ANK3: variants seen among roughly 807,000 people sequenced by gnomAD.
ANK3 encodes ankyrin-3.
Under a neutral mutation model 370.9 loss-of-function variants are expected in ANK3, and 57 were observed. The observed-to-expected ratio is 0.15, with a 90% CI of 0.12 to 0.19. The LOEUF (loss-of-function observed/expected upper bound fraction) is 0.19. Among genes scored for constraint, ANK3 ranks in the 10% least tolerant of loss-of-function variants. The pLI is 1.00. For missense variants in ANK3, 4,439 were observed against 5,302.1 expected, an observed-to-expected ratio of 0.84 and a Z score of 5.06; for synonymous variants, 1,929 against 1,946.3, an observed-to-expected ratio of 0.99 and a Z score of 0.23.
intron 2 of ANK3, among the ~76,000 whole-genome samples, chr10:60,508,992 A>C (rs1431943176): frequency 6.6e-6 from 1 of 152,262 alleles, no homozygotes; most frequent in East Asian, 1.9e-4. Flanking sequence ...TTGCTGGATC[A>C]GTTGCAACTC....
intron 12 of ANK3, 30 bp from the exon 13 acceptor site, chr10:60,200,257 T>G (rs768042461): frequency 6.4e-7 from 1 of 1,551,060 alleles, no homozygotes; most frequent in Admixed American, 1.7e-5. Context: ...GTAAATTAGC[T>G]GCAGCTCTGA....
chr10:60,384,188 G>T (rs1450478379), intron 1 of ANK3, among the ~76,000 whole-genome samples: 1 of 152,172 alleles, frequency 6.6e-6, no homozygotes, highest in Non-Finnish European at 1.5e-5. Context: ...TCTGCACATT[G>T]CTGACATACA....
intron 2 of ANK3, among the ~76,000 whole-genome samples, chr10:60,563,754 C>A (rs537826301): frequency 5.3e-5 from 8 of 152,218 alleles, no homozygotes; most frequent in Admixed American, 4.6e-4. Flanking sequence ...AAGCCATGCT[C>A]AGAGTCTATG....
In ANK3 at chr10:60,264,981, AATT is replaced by A. The variant is rs563488960; in HGVS notation, c.514-964_514-962del. Among the ~76,000 whole-genome samples the A allele has an allele frequency of 7.4e-4, 112 of 151,872 alleles. No homozygotes were observed. In the Middle Eastern group the frequency reaches 0.017, roughly 23 times the overall value. On this transcript the variant is annotated intron_variant, in intron 5 of 43. Transcript: ENST00000280772. Reference sequence around the variant, plus strand: ...CTGGTTATTGTCTTTTTTCTTTTTAAATTTTATTTTAAATTAAAAATTATAAAT... The same window carrying A: ...CTGGTTATTGTCTTTTTTCTTTTTAATTATTTTAAATTAAAAATTATAAAT...
At position 60,070,877 on chromosome 10, in the gene ANK3, T is replaced by C. The variant is rs757974301; in HGVS notation, c.10004A>G (p.Lys3335Arg). ...TTGTTCATCGTCCACTTCCTTTAAT[T>C]TGAAGGTATATTTTTTAACTGGGAC... ...QPVPVKKYTF[K>R]LKEVDDEQKE... Residue 3335 changes from lysine to arginine, a missense_variant, in exon 37 of 44, where the codon AAA becomes AGA. Lys to Arg is a conservative substitution (Grantham distance 26). This residue lies in a region of ANK3 where 1,601 missense variants were observed against 1,731.7 expected (regional missense o/e 0.92). Transcript: ENST00000280772. The surrounding 1 kb of genome is among the most constrained non-coding windows in gnomAD (Gnocchi z 5.7). 3 of 1,613,912 alleles carry C rather than the reference T, an allele frequency of 1.9e-6. No individual in the cohort carries two copies. The highest frequency in any genetic ancestry group is 2.2e-5 in the South Asian group (2 of 91,084).
chr10:60,583,504 G>GTTTT (rs1567163686), intron 2 of ANK3, among the ~76,000 whole-genome samples: 6 of 132,000 alleles, frequency 4.5e-5, no homozygotes, highest in East Asian at 2.6e-4. Context: ...TTACAGAGAG[G>GTTTT]TTTTTTGTTT....
intron 1 of ANK3, among the ~76,000 whole-genome samples, chr10:60,730,725 G>A (rs1439688029): frequency 6.6e-6 from 1 of 152,210 alleles, no homozygotes; most frequent in African/African-American, 2.4e-5. Flanking sequence ...ATAGTTATGT[G>A]AACAACAGCC....
intron 28 of ANK3, among the ~76,000 whole-genome samples, chr10:60,099,039 T>A (rs1317221927): frequency 6.6e-6 from 1 of 152,194 alleles, no homozygotes; most frequent in Non-Finnish European, 1.5e-5. Flanking sequence ...ACTTTAAAAA[T>A]CAGGGACAAA....
At chr10:60,505,244 A>T (rs2075905841) in intron 2 of ANK3, among the ~76,000 whole-genome samples, 1 of 152,168 alleles carries the variant, frequency 6.6e-6, no homozygotes, top group South Asian at 2.1e-4. Flanking sequence ...AAATATATAA[A>T]ACTATTATAC....
intron 1 of ANK3, among the ~76,000 whole-genome samples, chr10:60,706,517 G>A (rs1440062548): frequency 2.0e-5 from 3 of 151,488 alleles, no homozygotes; most frequent in Non-Finnish European, 2.9e-5. Flanking sequence ...GTCTGTAAGA[G>A]AGAATGCTCC....
chr10:60,282,070 C>T lies in ANK3; in HGVS notation c.115-2431G>A, dbSNP rs774818170. 3.9e-5 allele frequency among the ~76,000 whole-genome samples: 6 copies of T among 152,210 alleles called. No individual in the cohort carries two copies. In the East Asian group the frequency reaches 5.8e-4, roughly 15 times the overall value. ...GCCACGCAAGGATGGCTCATTGCAC[C>T]GTAAAATATCATCTTCTTTGTGCCT... On this transcript the variant is annotated intron_variant, in intron 1 of 43. Coordinates refer to ENST00000280772, the MANE Select transcript of ANK3 (RefSeq NM_020987.5).
chr10:60,534,803 T>G (rs1306447729), intron 2 of ANK3, among the ~76,000 whole-genome samples: 1 of 152,112 alleles, frequency 6.6e-6, no homozygotes, highest in African/African-American at 2.4e-5. Flanking sequence ...ATGCGGAAAA[T>G]GCATGTTTCT....
rs1192136961 is a variant in ANK3, at chr10:60,055,654, G to C, written c.13065+4C>G. ...GACTGCTACCGGATGACCAGATGAC[G>C]TACCTTTTGCTCAGACCCACTGGAC... is the stretch of plus-strand genomic sequence containing the variant. On this transcript the variant is annotated splice_donor_region_variant and intron_variant, in intron 42 of 43. Transcript: ENST00000280772. The C allele has an allele frequency of 6.3e-7, 1 of 1,597,224 alleles. No individual in the cohort carries two copies. The highest frequency in any genetic ancestry group is 1.1e-5 in the South Asian group (1 of 88,874).
chr10:60,657,667 T>G (rs1307562049), intron 1 of ANK3, among the ~76,000 whole-genome samples: 1 of 152,168 alleles, frequency 6.6e-6, no homozygotes, highest in Non-Finnish European at 1.5e-5. Context: ...ATATTCCATA[T>G]GCACTCAAAA....
chr10:60,676,061 A>G (rs747651297), intron 1 of ANK3, among the ~76,000 whole-genome samples: 7 of 152,208 alleles, frequency 4.6e-5, no homozygotes, highest in Admixed American at 1.3e-4. Flanking sequence ...TCATCTGGAC[A>G]TTGGAAATTA....
chr10:60,308,136 A>G (rs949406640), intron 1 of ANK3, among the ~76,000 whole-genome samples: 4 of 152,196 alleles, frequency 2.6e-5, no homozygotes, highest in African/African-American at 9.6e-5. Flanking sequence ...TTAAGCAGCC[A>G]ATTAATCTAG....
At chr10:60,680,128 C>G (rs1267950628) in intron 1 of ANK3, among the ~76,000 whole-genome samples, 2 of 100,436 alleles carry the variant, frequency 2.0e-5, no homozygotes, top group Admixed American at 2.5e-4. Flanking sequence ...TAGTGAGGCT[C>G]TGTCTCGGGA....
intron 42 of ANK3, among the ~76,000 whole-genome samples, chr10:60,052,318 A>T (rs2131899666): frequency 1.3e-5 from 2 of 152,250 alleles, no homozygotes; most frequent in Admixed American, 1.3e-4. Context: ...ATAGGGCAAG[A>T]CTCCGTCTCA....
At chr10:60,562,526 G>T (rs1567147896) in intron 2 of ANK3, among the ~76,000 whole-genome samples, 1 of 152,058 alleles carries the variant, frequency 6.6e-6, no homozygotes, top group African/African-American at 2.4e-5. Context: ...CGATTCTCCT[G>T]CCTCGGCCTC....
Sources: gnomAD v4.1 joint callset for allele counts (sites outside exome capture counted in the v4.1 genomes callset) on GRCh38, gnomAD v4.1.1 for gene constraint, gnomAD v4.1.1 regional missense constraint, Gnocchi (gnomAD v3.1) non-coding constraint, MANE v1.5 for transcripts, NCBI Gene and HGNC (gene_info 2026-07-23, HGNC 2026-07-21) for gene names.